HOATZ: variants seen among roughly 807,000 people sequenced by gnomAD.
The protein encoded by HOATZ is HOATZ cilia and flagella associated protein, also known as cilia- and flagella-associated protein HOATZ.
Under a neutral mutation model 24.9 loss-of-function variants are expected in HOATZ, and 26 were observed. The observed-to-expected ratio is 1.04, with a 90% confidence interval of 0.76 to 1.45. The LOEUF (loss-of-function observed/expected upper bound fraction) is 1.45, where lower values mean the gene tolerates loss of function less well. HOATZ is among the 40% of genes most tolerant of loss of function. The pLI is 0.00. For missense variants in HOATZ, 226 were observed against 201.5 expected (o/e 1.12, Z -0.74); for synonymous variants, 83 against 76.6 (o/e 1.08, Z -0.43).
At chr11:111,532,050 C>T (rs937997926) in intron 3 of HOATZ, among the ~76,000 whole-genome samples, 1 of 152,306 alleles carries the variant, frequency 6.6e-6, no homozygotes, top group East Asian at 1.9e-4. Context: ...AGGTCTAAAG[C>T]ATGGACATCA....
intron 3 of HOATZ, among the ~76,000 whole-genome samples, chr11:111,530,625 T>G (rs1867384130): frequency 2.6e-5 from 4 of 152,162 alleles, no homozygotes; most frequent in Admixed American, 1.3e-4. Flanking sequence ...AAAGATAAAT[T>G]CTGACCCCCT....
Position 111,537,014 on chromosome 11 carries a change from T to C in HOATZ, c.*187T>C, listed in dbSNP as rs1017565425. ...TGTGTTAAAATAAAGAAATAAAGGTTAAATATGCAGGCTTCTATGAATTCT... is the reference window on the plus strand; with the variant it reads ...TGTGTTAAAATAAAGAAATAAAGGTCAAATATGCAGGCTTCTATGAATTCT... On this transcript the variant is annotated 3_prime_UTR_variant, in exon 6 of 6. Transcript: ENST00000375618. 1 of 554,716 alleles carries C rather than the reference T, an allele frequency of 1.8e-6. No homozygotes were observed. The highest frequency in any genetic ancestry group is 3.2e-6 in the Non-Finnish European group (1 of 310,020). The allele number at this position is 554,716 out of a possible 1,614,324, so 34.4% of individuals were successfully genotyped here.
intron 3 of HOATZ, among the ~76,000 whole-genome samples, chr11:111,523,606 G>A (rs1278964558): frequency 6.6e-6 from 1 of 152,112 alleles, no homozygotes; most frequent in Non-Finnish European, 1.5e-5. Context: ...AACATACCAA[G>A]ACTTTCACTA....
At chr11:111,518,945 A>C (rs1186245386) in intron 3 of HOATZ, 6 of 440,012 alleles carry the variant, frequency 1.4e-5, no homozygotes, top group Non-Finnish European at 2.7e-5. Context: ...CCTTTCTCAT[A>C]GTATTTGTAC....
Position 111,533,748 on chromosome 11 carries a change from T to G in HOATZ, c.342T>G (p.Ala114=). Residue 114 remains alanine (A), a splice_region_variant and synonymous_variant, in exon 4 of 6, where the codon GCT becomes GCG. Transcript: ENST00000375618. ...CACTTTTTTCTTTCTTTAAACAGGCTAAAACAAGAGAAGAGATTCTCCAAC... is the reference window on the plus strand; with the variant it reads ...CACTTTTTTCTTTCTTTAAACAGGCGAAAACAAGAGAAGAGATTCTCCAAC... The part of the protein sequence containing the change: ...SEEKVKYLQK[A]KTREEILQLL... 6.3e-7 allele frequency: 1 copy of G among 1,588,870 alleles called. No homozygotes were observed. The highest frequency in any genetic ancestry group is 8.5e-7 in the Non-Finnish European group (1 of 1,172,834).
intron 3 of HOATZ, among the ~76,000 whole-genome samples, chr11:111,529,015 G>GTAA (rs1035725921): frequency 1.9e-4 from 29 of 152,260 alleles, no homozygotes; most frequent in Admixed American, 1.6e-3. Flanking sequence ...CTGTAAAGAG[G>GTAA]TAATAATAAT....
chr11:111,532,508 A>G (rs1867404397), intron 3 of HOATZ, among the ~76,000 whole-genome samples: 1 of 152,204 alleles, frequency 6.6e-6, no homozygotes, highest in African/African-American at 2.4e-5. Context: ...TGTGACAACA[A>G]AGGCAAAGAT....
intron 3 of HOATZ, among the ~76,000 whole-genome samples, chr11:111,529,095 T>C (rs1445495024): frequency 8.5e-5 from 13 of 152,238 alleles, no homozygotes; most frequent in Non-Finnish European, 1.9e-4. Context: ...AGGCCTGATA[T>C]CTAGCAGTTA....
chr11:111,526,138 C>A (rs1867336598), intron 3 of HOATZ, among the ~76,000 whole-genome samples: 1 of 152,106 alleles, frequency 6.6e-6, no homozygotes, highest in Non-Finnish European at 1.5e-5. Context: ...ACAGCATGTG[C>A]AAAGACCCTC....
intron 3 of HOATZ, among the ~76,000 whole-genome samples, chr11:111,524,555 A>G (rs1214524178): frequency 1.3e-5 from 2 of 152,224 alleles, no homozygotes; most frequent in African/African-American, 4.8e-5. Flanking sequence ...TCCGTATACT[A>G]GAACTTTGGT....
chr11:111,515,004 G>C lies in HOATZ; in HGVS notation c.220G>C (p.Gly74Arg). ...GGTGGCGCGGCCCAGGAGGAGCAGA[G>C]GGTCTGGTGAGTAGAATAGCGGCCT... ...LPVARPRRSR[G>R]SENSHSSQSF... The change falls in exon 1 of 6, where the codon GGG becomes CGG. Residue 74 changes from glycine to arginine, a missense_variant. Transcript: ENST00000375618. 6.2e-7 allele frequency: 1 copy of C among 1,612,148 alleles called. No homozygotes were observed. Among genetic ancestry groups the C allele is most frequent in the Non-Finnish European group, 8.5e-7 (1 of 1,179,412 alleles).
chr11:111,521,197 T>C (rs1374879691), intron 3 of HOATZ, among the ~76,000 whole-genome samples: 1 of 152,142 alleles, frequency 6.6e-6, no homozygotes, highest in African/African-American at 2.4e-5. Context: ...CCCATTTAGC[T>C]AATACCTACT....
intron 3 of HOATZ, among the ~76,000 whole-genome samples, chr11:111,520,110 C>T (rs530754070): frequency 6.6e-6 from 1 of 152,150 alleles, no homozygotes; most frequent in South Asian, 2.1e-4. Context: ...ATAAAGGAAA[C>T]CTCACAGCCC....
intron 3 of HOATZ, among the ~76,000 whole-genome samples, chr11:111,529,839 C>T (rs1591557836): frequency 6.6e-6 from 1 of 152,102 alleles, no homozygotes; most frequent in African/African-American, 2.4e-5. Context: ...GTTGATAACA[C>T]ACCAGAAAAT....
At chr11:111,531,277 A>T (rs1867390217) in intron 3 of HOATZ, among the ~76,000 whole-genome samples, 1 of 141,338 alleles carries the variant, frequency 7.1e-6, no homozygotes, top group Non-Finnish European at 1.5e-5. Context: ...CAGTACAATG[A>T]TTGCATTCAT....
chr11:111,525,016 AC>A (rs1237531220), intron 3 of HOATZ: 1 of 354,626 alleles, frequency 2.8e-6, no homozygotes, highest in Non-Finnish European at 5.5e-6. Context: ...CTACAGGTGC[AC>A]ACCATCACAT....
intron 3 of HOATZ, chr11:111,519,130 C>A (rs1867239794): frequency 6.3e-5 from 26 of 410,710 alleles, no homozygotes; most frequent in South Asian, 4.3e-4. Context: ...TGCTCAGCTT[C>A]CTCATATATA....
Position 111,536,801 on chromosome 11 carries a change from C to A in HOATZ, c.484C>A (p.Gln162Lys). Reference protein sequence around the residue: ...KVVSESDKEDQEEVKTLD With the variant: ...KVVSESDKEDKEEVKTLD ...GGTATCAGAGTCAGATAAAGAGGAC[C>A]AAGAAGAAGTCAAAACTTTGGACTA... The change falls in exon 6 of 6, where the codon CAA becomes AAA. Residue 162 changes from glutamine to lysine, a missense_variant. Gln to Lys is a moderately conservative substitution (Grantham distance 53). Transcript: ENST00000375618. 1 of 1,613,714 alleles carries A rather than the reference C, an allele frequency of 6.2e-7. No homozygotes were observed. The highest frequency in any genetic ancestry group is 8.5e-7 in the Non-Finnish European group (1 of 1,179,752).
chr11:111,515,665 A>G (rs1867185728), intron 2 of HOATZ, 113 bp downstream of exon 2: 1 of 898,848 alleles, frequency 1.1e-6, no homozygotes, highest in Admixed American at 2.1e-5. Context: ...TGAATTGAAC[A>G]CCTAAGTCCC....
Sources: gnomAD v4.1 joint callset for allele counts (sites outside exome capture counted in the v4.1 genomes callset) on GRCh38, gnomAD v4.1.1 for gene constraint, MANE v1.5 for transcripts, NCBI Gene and HGNC (gene_info 2026-07-23, HGNC 2026-07-21) for gene names.